Variants in PKD2 observed in about 807,000 individuals in gnomAD.
PKD2 encodes the protein polycystin-2.
A neutral mutation model predicts 105.9 loss-of-function variants in PKD2; 48 were observed. The observed-to-expected ratio is 0.45, with a 90% CI of 0.36 to 0.58. The LOEUF is 0.58. Among genes scored for constraint, PKD2 ranks in the 20% least tolerant of loss-of-function variants. PKD2 has a pLI of 0.00. For synonymous variants in PKD2, 464 were observed against 481.1 expected (o/e 0.96, Z 0.46); for missense variants, 1,078 against 1,255.3 (o/e 0.86, Z 2.13).
intron 3 of PKD2, among the ~76,000 whole-genome samples, chr4:88,037,051 A>G (rs2110105679): frequency 6.6e-6 from 1 of 152,230 alleles, no homozygotes; most frequent in East Asian, 1.9e-4. Context: ...ACAACATAGT[A>G]TGACTTTGTC....
At position 88,065,552 on chromosome 4, in the gene PKD2, T is replaced by C. The variant is rs189689993; in HGVS notation, c.2240+57T>C. 8.3e-6 allele frequency: 13 copies of C among 1,563,404 alleles called. No individual in the cohort carries two copies. The East Asian group carries it at 2.9e-4, about 35-fold the overall frequency. The stretch of plus-strand genomic sequence containing the variant: ...ATTCCTGCTTCTAAAGATAAATTCC[T>C]GGTGATAAGAGTATTTCTAGCCCAA... On this transcript the variant is annotated intron_variant, in intron 11 of 14. Coordinates refer to ENST00000237596, the MANE Select transcript of PKD2 (RefSeq NM_000297.4).
At chr4:88,046,215 T>C (rs1727758159) in intron 5 of PKD2, among the ~76,000 whole-genome samples, 1 of 152,056 alleles carries the variant, frequency 6.6e-6, no homozygotes, top group Admixed American at 6.6e-5. Flanking sequence ...CCTTGAGCCC[T>C]GGAATTTGAG....
intron 1 of PKD2, among the ~76,000 whole-genome samples, chr4:88,017,076 C>CT (rs1726584682): frequency 6.6e-6 from 1 of 151,928 alleles, no homozygotes; most frequent in African/African-American, 2.4e-5. Context: ...GTAATCCCAG[C>CT]ACTTTGGGAG....
chr4:88,044,417 G>A (rs2110113380), intron 5 of PKD2, among the ~76,000 whole-genome samples: 1 of 152,284 alleles, frequency 6.6e-6, no homozygotes, highest in East Asian at 1.9e-4. Context: ...CATCATTCTT[G>A]AGGTTAAGTT....
rs528805991 is a variant in PKD2, at chr4:88,022,992, A to G, written c.709+3421A>G. Among the ~76,000 whole-genome samples the G allele has an allele frequency of 4.6e-5, 7 of 152,230 alleles. No individual in the cohort carries two copies. The South Asian group carries it at 1.2e-3, about 27-fold the overall frequency. On this transcript the variant is annotated intron_variant, in intron 2 of 14. Coordinates refer to ENST00000237596, the MANE Select transcript of PKD2 (RefSeq NM_000297.4). ...GCCACCCAGGAGGCTGAGGTGGGAAAATTGTTTGAAGCTGGGAGTCAGTGA... is the reference window on the plus strand; with the variant it reads ...GCCACCCAGGAGGCTGAGGTGGGAAGATTGTTTGAAGCTGGGAGTCAGTGA...
chr4:88,070,601 T>TATATAGAGAGAGAGAGAG, intron 13 of PKD2, among the ~76,000 whole-genome samples: 1 of 91,478 alleles, frequency 1.1e-5, no homozygotes, highest in African/African-American at 4.2e-5. Flanking sequence ...TATATATATA[T>TATATAGAGAGAGAGAGAG]AGAGAGAGAG....
At chr4:88,073,628 G>C (rs1242118102) in intron 13 of PKD2, among the ~76,000 whole-genome samples, 1 of 152,154 alleles carries the variant, frequency 6.6e-6, no homozygotes, top group African/African-American at 2.4e-5. Flanking sequence ...GGAGGAGGGA[G>C]CCCTGTGCTC....
chr4:88,009,514 A>G (rs140510342), intron 1 of PKD2, among the ~76,000 whole-genome samples: 59 of 151,638 alleles, frequency 3.9e-4, no homozygotes, highest in Non-Finnish European at 6.2e-4. Context: ...TAAAGAGATG[A>G]TCATAACGCT....
intron 2 of PKD2, among the ~76,000 whole-genome samples, chr4:88,024,457 GAAAAAAAAAA>G (rs552942631): frequency 1.8e-4 from 9 of 50,378 alleles, no homozygotes; most frequent in Non-Finnish European, 2.8e-4. Flanking sequence ...ACTCTGTCTC[GAAAAAAAAAA>G]AAAAAAAAAA....
At chr4:88,010,341 C>G (rs1165687864) in intron 1 of PKD2, among the ~76,000 whole-genome samples, 2 of 152,168 alleles carry the variant, frequency 1.3e-5, no homozygotes, top group African/African-American at 4.8e-5. Context: ...ATTCTTGTCA[C>G]TTATTAAATA....
intron 1 of PKD2, among the ~76,000 whole-genome samples, chr4:88,014,137 G>A (rs1181119421): frequency 6.6e-6 from 1 of 152,132 alleles, no homozygotes; most frequent in Non-Finnish European, 1.5e-5. Flanking sequence ...TCAGAACTGT[G>A]GAACCAACTC....
Position 88,076,093 on chromosome 4 carries a change from G to A in PKD2, c.*399G>A, listed in dbSNP as rs1369939729. 2 of 220,910 alleles carry A rather than the reference G, an allele frequency of 9.1e-6. No individual in the cohort carries two copies. Among genetic ancestry groups the A allele is most frequent in the Non-Finnish European group, 1.8e-5 (2 of 110,332 alleles). The allele number at this position is 220,910 out of a possible 1,614,324, so 13.7% of individuals were successfully genotyped here. ...TGTTATTTTTTTCCAAGAGTGTGAA[G>A]GAAAATGGGGCATTCCTTTCCACTC... On this transcript the variant is annotated 3_prime_UTR_variant, in exon 15 of 15. Coordinates refer to ENST00000237596, the MANE Select transcript of PKD2 (RefSeq NM_000297.4).
chr4:88,046,211 GC>G (rs2110115273), intron 5 of PKD2, among the ~76,000 whole-genome samples: 1 of 152,186 alleles, frequency 6.6e-6, no homozygotes, highest in South Asian at 2.1e-4. Context: ...AATCCCTTGA[GC>G]CCTGGAATTT....
chr4:88,071,923 T>C (rs190754296), intron 13 of PKD2, among the ~76,000 whole-genome samples: 1 of 152,094 alleles, frequency 6.6e-6, no homozygotes, highest in East Asian at 1.9e-4. Flanking sequence ...TGCTCCACAG[T>C]CTGATCCACT....
chr4:88,024,099 G>C (rs1157315968), intron 2 of PKD2, among the ~76,000 whole-genome samples: 3 of 152,108 alleles, frequency 2.0e-5, no homozygotes, highest in African/African-American at 7.2e-5. Context: ...AATAGCAATA[G>C]TATTGCTATT....
chr4:88,052,172 TTCA>T lies in PKD2; in HGVS notation c.1716+16_1716+18del. 1 of 1,458,510 alleles carries T rather than the reference TTCA, an allele frequency of 6.9e-7. No individual in the cohort carries two copies. Among genetic ancestry groups the T allele is most frequent in the Non-Finnish European group, 9.6e-7 (1 of 1,040,214 alleles). 90.3% of individuals were successfully genotyped at this position (1,458,510 alleles called of 1,614,324 possible). A position where few individuals can be genotyped will look rare whatever the true frequency, so the allele number is the denominator to read the frequency against. On this transcript the variant is annotated intron_variant, in intron 7 of 14. Transcript: ENST00000237596. The stretch of plus-strand genomic sequence containing the variant: ...GTCTGGATTAAGGTAATTTATAAAT[TTCA>T]TGTTCTACATTTTAAATAATATTTT...
At chr4:88,047,699 A>G (rs1002801413) in intron 6 of PKD2, among the ~76,000 whole-genome samples, 2 of 152,198 alleles carry the variant, frequency 1.3e-5, no homozygotes, top group African/African-American at 4.8e-5. Context: ...TGTATGAGGT[A>G]TAAGAAATCA....
At chr4:88,059,598 G>T (rs1438372554) in intron 9 of PKD2, among the ~76,000 whole-genome samples, 2 of 152,080 alleles carry the variant, frequency 1.3e-5, no homozygotes, top group African/African-American at 2.4e-5. Context: ...AGAGTATTCA[G>T]TCATCTTACC....
chr4:88,009,284 A>T (rs1726307608), intron 1 of PKD2, among the ~76,000 whole-genome samples: 1 of 152,180 alleles, frequency 6.6e-6, no homozygotes, highest in African/African-American at 2.4e-5. Context: ...TTTAATCTAT[A>T]TTTTTAAGAG....
Sources: gnomAD v4.1 joint callset for allele counts (sites outside exome capture counted in the v4.1 genomes callset) on GRCh38, gnomAD v4.1.1 for gene constraint, MANE v1.5 for transcripts, NCBI Gene and HGNC (gene_info 2026-07-23, HGNC 2026-07-21) for gene names.